Variants in MTTP observed in about 807,000 individuals in gnomAD.
The protein encoded by MTTP is microsomal triglyceride transfer protein large subunit.
A neutral mutation model predicts 90.6 loss-of-function variants in MTTP; 49 were observed. The ratio of observed to expected loss-of-function variants is 0.54; its 90% CI spans 0.43 to 0.69. The LOEUF (loss-of-function observed/expected upper bound fraction) is 0.69, where lower values mean the gene tolerates loss of function less well. MTTP is among the 30% of genes least tolerant of loss of function. The probability of loss-of-function intolerance (pLI) is 0.00; values close to 1 mark genes in which losing one functional copy is unlikely to be tolerated. For missense variants in MTTP, 945 were observed against 1,067.5 expected (o/e 0.89, Z 1.60); for synonymous variants, 347 against 384.2 (o/e 0.90, Z 1.13).
intron 3 of MTTP, 99 bp downstream of exon 3, chr4:99,583,616 T>A: frequency 7.2e-7 from 1 of 1,392,446 alleles, no homozygotes; most frequent in South Asian, 1.2e-5. Flanking sequence ...TAACTACTTT[T>A]ATGGTAAATG....
intron 3 of MTTP, among the ~76,000 whole-genome samples, chr4:99,587,799 G>C (rs766172181): frequency 2.0e-4 from 30 of 152,130 alleles, no homozygotes; most frequent in Non-Finnish European, 3.5e-4. Context: ...ATGATACCTG[G>C]AGATACACTT....
chr4:99,600,175 A>G (rs1392470308), intron 8 of MTTP, among the ~76,000 whole-genome samples: 5 of 152,176 alleles, frequency 3.3e-5, no homozygotes, highest in Non-Finnish European at 7.4e-5. Flanking sequence ...TGCAAAGCTA[A>G]TTAAAGAAAG....
intron 8 of MTTP, 136 bp from the exon 9 acceptor site, chr4:99,600,429 T>G: frequency 1.1e-6 from 1 of 910,854 alleles, no homozygotes; most frequent in Non-Finnish European, 1.7e-6. Context: ...TCTTAATCAT[T>G]TTTTCATTTG....
chr4:99,610,765 G>A (rs1725929422), intron 12 of MTTP, among the ~76,000 whole-genome samples: 1 of 152,118 alleles, frequency 6.6e-6, no homozygotes, highest in Admixed American at 6.5e-5. Flanking sequence ...AACATTTAAA[G>A]AAATATTGTG....
intron 1 of MTTP, among the ~76,000 whole-genome samples, chr4:99,580,742 A>AC (rs1560613584): frequency 1.3e-5 from 2 of 152,064 alleles, no homozygotes; most frequent in African/African-American, 4.8e-5. Context: ...AAATAAGTTA[A>AC]TACATGTAAC....
At chr4:99,588,415 G>T (rs986237157) in intron 3 of MTTP, among the ~76,000 whole-genome samples, 1 of 152,064 alleles carries the variant, frequency 6.6e-6, no homozygotes, top group Non-Finnish European at 1.5e-5. Flanking sequence ...AAACCAACAA[G>T]CTGATTTTCA....
rs1254391534 is a variant in MTTP at position 99,574,970 on chromosome 4, G to A, written c.61G>A (p.Gly21Ser). The change falls in exon 1 of 18, where the codon GGT becomes AGT. Residue 21 changes from glycine to serine, a missense_variant and splice_region_variant. Physicochemically the swap from Gly to Ser is moderately conservative, Grantham distance 56. Coordinates refer to ENST00000265517, the MANE Select transcript of MTTP (RefSeq NM_001386140.1). ...FISSYSASVKGHTTGLSLNND... is the reference protein window; with the variant it reads ...FISSYSASVKSHTTGLSLNND... ...TTCCTCATATTCAGCTTCTGTTAAA[G>A]GTAAGTTTGTGTTGCCTTTTGCTAA... is the stretch of plus-strand genomic sequence containing the variant. 3 of 1,614,050 alleles carry A rather than the reference G, an allele frequency of 1.9e-6. No individual in the cohort carries two copies. The East Asian group carries it at 6.7e-5, about 36-fold the overall frequency.
At chr4:99,607,423 C>T (rs1725843470) in intron 11 of MTTP, among the ~76,000 whole-genome samples, 1 of 152,126 alleles carries the variant, frequency 6.6e-6, no homozygotes, top group Admixed American at 6.5e-5. Flanking sequence ...AGCACCTTCC[C>T]ACCAGTTTTG....
Position 99,589,756 on chromosome 4 carries a change from T to TA in MTTP, c.501+7dup. On this transcript the variant is annotated splice_region_variant and intron_variant, in intron 4 of 17. Transcript: ENST00000265517. ...GCTCTGGAACCACCAATGAGGTACTTACCAATATTAATAAGGATTCAGCAT... is the reference window on the plus strand; with the variant it reads ...GCTCTGGAACCACCAATGAGGTACTTAACCAATATTAATAAGGATTCAGCAT... 1 of 1,485,966 alleles carries TA rather than the reference T, an allele frequency of 6.7e-7. No homozygotes were observed. Among genetic ancestry groups the TA allele is most frequent in the South Asian group, 1.1e-5 (1 of 88,376 alleles). 92.0% of individuals were successfully genotyped at this position (1,485,966 alleles called of 1,614,324 possible).
chr4:99,597,320 C>T, intron 8 of MTTP, 96 bp downstream of exon 8: 1 of 1,346,100 alleles, frequency 7.4e-7, no homozygotes. Flanking sequence ...AACCAACTGC[C>T]CCACCACCAA....
chr4:99,579,126 A>G (rs1011092601), intron 1 of MTTP, among the ~76,000 whole-genome samples: 1 of 152,172 alleles, frequency 6.6e-6, no homozygotes, highest in Non-Finnish European at 1.5e-5. Flanking sequence ...GTGCTTGGAC[A>G]CAGCTTGGTT....
chr4:99,599,894 G>A (rs1252475031), intron 8 of MTTP, among the ~76,000 whole-genome samples: 1 of 152,098 alleles, frequency 6.6e-6, no homozygotes, highest in African/African-American at 2.4e-5. Flanking sequence ...ACATACATGT[G>A]TTAATTAGTA....
rs1310216945 is a variant in MTTP, at chr4:99,598,653, C to A, written c.1067+1429C>A. Among the ~76,000 whole-genome samples the A allele has an allele frequency of 4.8e-5, 4 of 82,546 alleles. No individual in the cohort carries two copies. In the South Asian group the frequency reaches 1.4e-3, roughly 29 times the overall value. The allele number at this position is 82,546 out of a possible 152,430, so 54.2% of individuals were successfully genotyped here. On this transcript the variant is annotated intron_variant, in intron 8 of 17. Transcript: ENST00000265517. ...ACAACAGTATATCCTTCAAGGAAGT[C>A]TTTTTTTTTTTTTTTTTTTTTTTTT...
chr4:99,601,772 C>T lies in MTTP; in HGVS notation c.1344+58C>T, dbSNP rs1231349766. Reference sequence around the variant, plus strand: ...ATTCTACACCATTGTCCATTTGATACTCACCATGCTGCCTACTATTGGCAC... The same window carrying T: ...ATTCTACACCATTGTCCATTTGATATTCACCATGCTGCCTACTATTGGCAC... On this transcript the variant is annotated intron_variant, in intron 10 of 17. Coordinates refer to ENST00000265517, the MANE Select transcript of MTTP (RefSeq NM_001386140.1). 23 of 1,263,844 alleles carry T rather than the reference C, an allele frequency of 1.8e-5. No individual in the cohort carries two copies. In the Admixed American group the frequency reaches 3.5e-4, roughly 19 times the overall value. 78.3% of individuals were successfully genotyped at this position (1,263,844 alleles called of 1,614,324 possible).
intron 6 of MTTP, among the ~76,000 whole-genome samples, chr4:99,593,513 G>A (rs903027156): frequency 6.6e-6 from 1 of 152,074 alleles, no homozygotes; most frequent in Non-Finnish European, 1.5e-5. Context: ...ACCATTCTCT[G>A]GACAGAATTG....
rs769611449 is a variant in MTTP at position 99,582,091 on chromosome 4, C to T, written c.248C>T (p.Thr83Met). The T allele has an allele frequency of 4.3e-6, 7 of 1,614,030 alleles. No individual in the cohort carries two copies. The highest frequency in any genetic ancestry group is 2.2e-5 in the East Asian group (1 of 44,884). Residue 83 changes from threonine to methionine, a missense_variant and splice_region_variant, in exon 2 of 18, where the codon ACG (threonine) becomes ATG (methionine). Thr to Met is a moderately conservative substitution (Grantham distance 81). Transcript: ENST00000265517. Reference sequence around the variant, plus strand: ...GATGATGACCAGTTGATCCAAATAACGGTGGGCATTTTCTACCAGATAAAT... The same window carrying T: ...GATGATGACCAGTTGATCCAAATAATGGTGGGCATTTTCTACCAGATAAAT... ...DGDDDQLIQI[T>M]MKDVNVENVN...
Position 99,606,940 on chromosome 4 carries a change from CT to C in MTTP, c.1538del (p.Leu513ProfsTer4). The C allele has an allele frequency of 6.2e-7, 1 of 1,613,438 alleles. No homozygotes were observed. Among genetic ancestry groups the C allele is most frequent in the Non-Finnish European group, 8.5e-7 (1 of 1,179,628 alleles). ...LATTALQRYDLPFITDEVKKT... is the reference protein window; with the variant it reads ...LATTALQRYDXPFITDEVKKT... ...TACCACTGCTCTCCAGAGATATGAT[CT>C]CCCTTTCATAACTGATGAGGTAAAA... is the stretch of plus-strand genomic sequence containing the variant. On this transcript the variant is annotated frameshift_variant, in exon 11 of 18. Transcript: ENST00000265517. LOFTEE classifies it high-confidence loss of function.
At chr4:99,620,578 T>C (rs1254306393) in intron 16 of MTTP, among the ~76,000 whole-genome samples, 1 of 152,204 alleles carries the variant, frequency 6.6e-6, no homozygotes, top group Non-Finnish European at 1.5e-5. Context: ...GGCTTACGCC[T>C]CTAGAGACTC....
In MTTP at chr4:99,608,830, C is replaced by A; in HGVS notation, c.1622C>A (p.Thr541Asn). 6.2e-7 allele frequency: 1 copy of A among 1,614,192 alleles called. No individual in the cohort carries two copies. The highest frequency in any genetic ancestry group is 8.5e-7 in the Non-Finnish European group (1 of 1,180,016). The change falls in exon 12 of 18, where the codon ACT becomes AAT. Residue 541 changes from threonine (T) to asparagine (N), a missense_variant. Physicochemically the swap from Thr to Asn is moderately conservative, Grantham distance 65. Transcript: ENST00000265517. ...AAAGTTCATGAAAAGACTGTGCGCA[C>A]TGCTGCAGCTGCTATCATTTTAAAT... ...NRKVHEKTVR[T>N]AAAAIILNNN...
Sources: gnomAD v4.1 joint callset for allele counts (sites outside exome capture counted in the v4.1 genomes callset) on GRCh38, gnomAD v4.1.1 for gene constraint, MANE v1.5 for transcripts, NCBI Gene and HGNC (gene_info 2026-07-23, HGNC 2026-07-21) for gene names.